ZIK1: variants seen among roughly 807,000 people sequenced by gnomAD.
ZIK1 encodes the protein zinc finger protein interacting with ribonucleoprotein K.
ZIK1 carries 12 observed loss-of-function variants against 10.7 expected under a neutral mutation model. The observed-to-expected ratio is 1.12, with a 90% CI of 0.72 to 1.81. ZIK1 has a LOEUF of 1.81. Ranked by LOEUF, ZIK1 falls within the 40% of genes most tolerant of loss-of-function variation. ZIK1 has a pLI of 0.00. For missense variants in ZIK1, 497 were observed against 585.7 expected, an observed-to-expected ratio of 0.85 and a Z score of 1.56; for synonymous variants, 190 against 205.0, an observed-to-expected ratio of 0.93 and a Z score of 0.63.
chr19:57,584,463 C>T (rs1978946819), intron 1 of ZIK1, 74 bp downstream of exon 1: 3 of 1,550,142 alleles, frequency 1.9e-6, no homozygotes, highest in African/African-American at 1.4e-5. Context: ...CGGTCGAGAT[C>T]CTCATGTCCA....
chr19:57,590,758 TACAC>T lies in ZIK1; in HGVS notation c.950_953del (p.His317LeufsTer193). 1 of 1,614,100 alleles carries T rather than the reference TACAC, an allele frequency of 6.2e-7. No homozygotes were observed. Among genetic ancestry groups the T allele is most frequent in the South Asian group, 1.1e-5 (1 of 91,084 alleles). On this transcript the variant is annotated frameshift_variant, in exon 4 of 4. Transcript: ENST00000597850. LOFTEE classifies it low-confidence loss of function (END_TRUNC). Reference sequence around the variant, plus strand: ...TCCAGCCTTGTTGACCACCAGAAAATACACACTGGAGCAAGGCCTTATGAGTGTA... The same window carrying T: ...TCCAGCCTTGTTGACCACCAGAAAATACTGGAGCAAGGCCTTATGAGTGTA...
rs770608906 is a variant in ZIK1 at position 57,588,610 on chromosome 19, G to A, written c.144G>A (p.Gln48=). 6.3e-7 allele frequency: 1 copy of A among 1,595,590 alleles called. No homozygotes were observed. The highest frequency in any genetic ancestry group is 2.3e-5 in the East Asian group (1 of 44,054). The part of the protein sequence containing the change: ...QDEWGLLDEA[Q]RLLYLEVMLE... ...AGTGGGGACTTCTTGATGAGGCTCA[G>A]AGACTCCTGTACCTTGAAGTGATGC... is the stretch of plus-strand genomic sequence containing the variant. Residue 48 remains glutamine (Q), a synonymous_variant, in exon 3 of 4, where the codon CAG becomes CAA. Transcript: ENST00000597850.
intron 1 of ZIK1, 119 bp from the exon 2 acceptor site, chr19:57,584,833 A>G (rs866563147): frequency 7.9e-7 from 1 of 1,266,574 alleles, no homozygotes; most frequent in South Asian, 1.4e-5. Flanking sequence ...GCTGAGGCTC[A>G]GAAATAATGC....
At position 57,591,372 on chromosome 19, in the gene ZIK1, TA is replaced by T. The variant is rs1168899483; in HGVS notation, c.*98del. On this transcript the variant is annotated 3_prime_UTR_variant, in exon 4 of 4. Coordinates refer to ENST00000597850, the MANE Select transcript of ZIK1 (RefSeq NM_001010879.4). ...CCACACTTAAGTAGAGCCTTAGACC[TA>T]CAGGGAAAGTGCTGTCTCTGTAGTA... The T allele has an allele frequency of 3.9e-5, 49 of 1,261,604 alleles. No homozygotes were observed. The highest frequency in any genetic ancestry group is 1.2e-4 in the Admixed American group (5 of 41,692). 78.2% of individuals were successfully genotyped at this position (1,261,604 alleles called of 1,614,324 possible). A position where few individuals can be genotyped will look rare whatever the true frequency, so the allele number is the denominator to read the frequency against.
chr19:57,586,741 C>G (rs1979196637), intron 2 of ZIK1, among the ~76,000 whole-genome samples: 1 of 152,180 alleles, frequency 6.6e-6, no homozygotes, highest in Non-Finnish European at 1.5e-5. Flanking sequence ...CTGATAAAGA[C>G]AGCAAGTCTC....
Position 57,588,549 on chromosome 19 carries a change from C to T in ZIK1, c.83C>T (p.Thr28Ile), listed in dbSNP as rs1168056202. 6 of 1,544,646 alleles carry T rather than the reference C, an allele frequency of 3.9e-6. No homozygotes were observed. In the South Asian group the frequency reaches 6.3e-5, roughly 16 times the overall value. ...TCCCCATCATGACAGGGCTGTGTGA[C>T]CTTTGAGGACATCGCCATTTACTTC... ...THMDLTKGCV[T>I]FEDIAIYFSQ... Residue 28 changes from threonine (T) to isoleucine (I), a missense_variant, in exon 3 of 4, where the codon ACC becomes ATC. By Grantham distance (89) the Thr-to-Ile change is moderately conservative. Coordinates refer to ENST00000597850, the MANE Select transcript of ZIK1 (RefSeq NM_001010879.4).
At chr19:57,587,569 G>A (rs553934799) in intron 2 of ZIK1, among the ~76,000 whole-genome samples, 1 of 152,322 alleles carries the variant, frequency 6.6e-6, no homozygotes, top group Non-Finnish European at 1.5e-5. Flanking sequence ...AACCTGGAAA[G>A]AGTCCCTACC....
chr19:57,586,712 T>TAAAGA (rs1979191566), intron 2 of ZIK1, among the ~76,000 whole-genome samples: 1 of 152,164 alleles, frequency 6.6e-6, no homozygotes, highest in African/African-American at 2.4e-5. Context: ...ATCTGGTGTA[T>TAAAGA]CAGTCCATTT....
intron 2 of ZIK1, among the ~76,000 whole-genome samples, chr19:57,586,989 C>T (rs1453421976): frequency 5.3e-5 from 8 of 152,248 alleles, no homozygotes; most frequent in East Asian, 1.9e-4. Flanking sequence ...CTCATGATTC[C>T]GCGTGGCTGG....
In ZIK1 at chr19:57,591,005, G is replaced by C; in HGVS notation, c.1194G>C (p.Gln398His). Residue 398 changes from glutamine to histidine, a missense_variant, in exon 4 of 4, where the codon CAG becomes CAC. Physicochemically the swap from Gln to His is conservative, Grantham distance 24. Transcript: ENST00000597850. ...AAAAAGCTACCCTCATTAAACACCA[G>C]AGAGTTCACACTGGAGAAAGGCCTT... The part of the protein sequence containing the change: ...FSQKATLIKH[Q>H]RVHTGERPYK... The C allele has an allele frequency of 5.6e-6, 9 of 1,612,010 alleles. No homozygotes were observed. Among genetic ancestry groups the C allele is most frequent in the Non-Finnish European group, 7.6e-6 (9 of 1,179,562 alleles).
intron 2 of ZIK1, among the ~76,000 whole-genome samples, chr19:57,587,149 G>A: frequency 6.6e-6 from 1 of 152,124 alleles, no homozygotes; most frequent in East Asian, 1.9e-4. Context: ...GGAAAGGCCT[G>A]CCCCTATGGT....
chr19:57,587,059 G>A (rs1381909994), intron 2 of ZIK1, among the ~76,000 whole-genome samples: 1 of 152,184 alleles, frequency 6.6e-6, no homozygotes, highest in African/African-American at 2.4e-5. Flanking sequence ...GCAGACAAGA[G>A]AGAACTTGTT....
intron 2 of ZIK1, among the ~76,000 whole-genome samples, chr19:57,587,947 T>G (rs1256260372): frequency 1.3e-5 from 2 of 152,064 alleles, no homozygotes; most frequent in Non-Finnish European, 2.9e-5. Context: ...GGACATCAAG[T>G]GCAGCACAAG....
Position 57,590,692 on chromosome 19 carries a change from C to A in ZIK1, c.881C>A (p.Pro294His). The change falls in exon 4 of 4, where the codon CCT becomes CAT. Residue 294 changes from proline to histidine, a missense_variant. Physicochemically the swap from Pro to His is moderately conservative, Grantham distance 77 (BLOSUM62 -2). Transcript: ENST00000597850. ...DHRRIHTGERPYECSECGKLF... is the reference protein window; with the variant it reads ...DHRRIHTGERHYECSECGKLF... ...CGGAGAATCCACACCGGAGAAAGGCCTTATGAGTGCAGCGAATGTGGAAAA... is the reference window on the plus strand; with the variant it reads ...CGGAGAATCCACACCGGAGAAAGGCATTATGAGTGCAGCGAATGTGGAAAA... The A allele has an allele frequency of 6.2e-7, 1 of 1,614,158 alleles. No homozygotes were observed. The highest frequency in any genetic ancestry group is 8.5e-7 in the Non-Finnish European group (1 of 1,180,038).
chr19:57,589,872 C>T (rs750259970), intron 3 of ZIK1, 139 bp from the exon 4 acceptor site: 44 of 1,163,674 alleles, frequency 3.8e-5, no homozygotes, highest in Non-Finnish European at 5.1e-5. Context: ...TATTGCAAAG[C>T]AACCCCTTCC....
Position 57,590,012 on chromosome 19 carries a change from T to C in ZIK1, c.201T>C (p.Gly67=), listed in dbSNP as rs760285451. The C allele has an allele frequency of 6.2e-7, 1 of 1,611,240 alleles. No homozygotes were observed. Among genetic ancestry groups the C allele is most frequent in the Non-Finnish European group, 8.5e-7 (1 of 1,177,560 alleles). ...LENFALVASL[G]CGHGTEDEET... is the part of the protein sequence containing the mutation. ...TCATCAGCGGTTCTCTGCTTTCAGG[T>C]TGTGGCCATGGAACAGAGGATGAAG... Residue 67 remains glycine (G), a splice_region_variant and synonymous_variant, in exon 4 of 4, where the codon GGT becomes GGC. Transcript: ENST00000597850.
At position 57,593,087 on chromosome 19, in the gene ZIK1, C is replaced by G. The variant is rs1979837885; in HGVS notation, c.*1812C>G. On this transcript the variant is annotated 3_prime_UTR_variant, in exon 4 of 4. Transcript: ENST00000597850. ...TTGAGATGGAGTCTCAGTCTGTCAC[C>G]AGGCTGGAGTGCAGTGGCATGATCT... 1 of 151,264 alleles carries G rather than the reference C, an allele frequency of 6.6e-6. No individual in the cohort carries two copies. Among genetic ancestry groups the G allele is most frequent in the East Asian group, 1.9e-4 (1 of 5,162 alleles). The allele number at this position is 151,264 out of a possible 1,614,324, so 9.4% of individuals were successfully genotyped here. A position where few individuals can be genotyped will look rare whatever the true frequency, so the allele number is the denominator to read the frequency against.
In ZIK1 at chr19:57,589,895, C is replaced by T. The variant is rs996368811; in HGVS notation, c.200-116C>T. The T allele has an allele frequency of 4.9e-5, 64 of 1,301,380 alleles. No individual in the cohort carries two copies. In the African/African-American group the frequency reaches 8.5e-4, roughly 17 times the overall value. 80.6% of individuals were successfully genotyped at this position (1,301,380 alleles called of 1,614,324 possible). A position where few individuals can be genotyped will look rare whatever the true frequency, so the allele number is the denominator to read the frequency against. On this transcript the variant is annotated intron_variant, in intron 3 of 3. Coordinates refer to ENST00000597850, the MANE Select transcript of ZIK1 (RefSeq NM_001010879.4). ...AGCAACCCCTTCCTCAACTTGCCCC[C>T]AGCTCCATTATCCTCAAAACAAACC...
At chr19:57,585,629 A>G (rs1218080115) in intron 2 of ZIK1, among the ~76,000 whole-genome samples, 1 of 152,216 alleles carries the variant, frequency 6.6e-6, no homozygotes, top group African/African-American at 2.4e-5. Flanking sequence ...GCATTACTCC[A>G]GGCATTTTGA....
Sources: allele counts gnomAD v4.1 joint callset (sites outside exome capture counted in the v4.1 genomes callset), GRCh38; gene constraint gnomAD v4.1.1; transcripts MANE v1.5; gene names NCBI Gene and HGNC (gene_info 2026-07-23, HGNC 2026-07-21).